The following PPP2R2B variants were observed in gnomAD, a reference collection of about 807,000 sequenced individuals.
PPP2R2B encodes serine/threonine-protein phosphatase 2A 55 kDa regulatory subunit B beta isoform.
A neutral mutation model predicts 46.0 loss-of-function variants in PPP2R2B; 5 were observed. That is an observed-to-expected ratio of 0.11 (90% CI 0.06 to 0.23). PPP2R2B has a LOEUF of 0.23. PPP2R2B is among the 10% of genes least tolerant of loss of function. The pLI is 1.00. For synonymous variants in PPP2R2B, 215 were observed against 206.7 expected (o/e 1.04, Z -0.34); for missense variants, 367 against 575.0 (o/e 0.64, Z 3.70).
At chr5:146,702,710 A>G (rs1305107077) in intron 2 of PPP2R2B, among the ~76,000 whole-genome samples, 1 of 152,230 alleles carries the variant, frequency 6.6e-6, no homozygotes, top group Non-Finnish European at 1.5e-5. Context: ...TGAAAAAGTT[A>G]ATCATATCTG....
intron 1 of PPP2R2B, among the ~76,000 whole-genome samples, chr5:146,945,089 C>T (rs1428016324): frequency 6.6e-6 from 1 of 152,200 alleles, no homozygotes; most frequent in African/African-American, 2.4e-5. Flanking sequence ...ATTAGGCCAA[C>T]ATACAGCACT....
In PPP2R2B at chr5:146,719,075, C is replaced by T. The variant is rs183562749; in HGVS notation, c.71-17933G>A. 2.9e-4 allele frequency among the ~76,000 whole-genome samples: 44 copies of T among 152,310 alleles called. No individual in the cohort carries two copies. The Middle Eastern group carries it at 0.014, about 47-fold the overall frequency. ...CTATTTACTGAGCACCTTCTATGTG[C>T]CTGACCTAGGACTTTGTCTTGAGAA... On this transcript the variant is annotated intron_variant, in intron 2 of 9. Coordinates refer to ENST00000394411, the MANE Select transcript of PPP2R2B (RefSeq NM_181675.4).
intron 2 of PPP2R2B, among the ~76,000 whole-genome samples, chr5:146,702,047 C>T (rs1471734361): frequency 3.4e-5 from 4 of 117,724 alleles, no homozygotes; most frequent in Non-Finnish European, 6.6e-5. Flanking sequence ...ACCAAGAGTG[C>T]AAATGAGTTA....
Position 147,029,886 on chromosome 5 carries a change from C to CTTA in PPP2R2B, c.79+25778_79+25779insTAA, listed in dbSNP as rs879562328. Reference sequence around the variant, plus strand: ...AGAAAATCAATCTCTATTGTTGAAGCTACCCAGTCTCTGATATTCTGTTAT... The same window carrying CTTA: ...AGAAAATCAATCTCTATTGTTGAAGCTTATACCCAGTCTCTGATATTCTGTTAT... On this transcript the variant is annotated intron_variant, in intron 1 of 8. Coordinates refer to the PPP2R2B transcript ENST00000336640. Among the ~76,000 whole-genome samples, 517 of 152,298 alleles carry CTTA rather than the reference C, an allele frequency of 3.4e-3. 1 individual carries two copies. The highest frequency in any genetic ancestry group is 5.2e-3 in the Admixed American group (80 of 15,302).
chr5:146,773,024 T>C (rs1405442282), intron 2 of PPP2R2B, among the ~76,000 whole-genome samples: 1 of 152,172 alleles, frequency 6.6e-6, no homozygotes, highest in Non-Finnish European at 1.5e-5. Flanking sequence ...ATGTGGAAAA[T>C]GCATTCTCAA....
In PPP2R2B at chr5:146,691,005, A is replaced by G. The variant is rs1011747658; in HGVS notation, c.447+123T>C. 2.9e-5 allele frequency: 21 copies of G among 731,116 alleles called. No individual in the cohort carries two copies. The Admixed American group carries it at 5.7e-4, about 20-fold the overall frequency. 45.3% of individuals were successfully genotyped at this position (731,116 alleles called of 1,614,324 possible). On this transcript the variant is annotated intron_variant, in intron 5 of 9. Coordinates refer to ENST00000394411, the MANE Select transcript of PPP2R2B (RefSeq NM_181675.4). ...ACCAGAGAGAGACTGGGGTAGGCTGAGTCTCTGCCTACGTTCCCTCACTGG... is the reference window on the plus strand; with the variant it reads ...ACCAGAGAGAGACTGGGGTAGGCTGGGTCTCTGCCTACGTTCCCTCACTGG...
chr5:146,596,276 C>T (rs560856078), intron 8 of PPP2R2B, among the ~76,000 whole-genome samples: 12 of 152,250 alleles, frequency 7.9e-5, no homozygotes, highest in Middle Eastern at 3.4e-3. Flanking sequence ...CTTTTATTCA[C>T]GGAAATGTGA....
In PPP2R2B at chr5:146,731,710, A is replaced by G. The variant is rs576113921; in HGVS notation, c.71-30568T>C. ...TCCACTTTTCATGAAGGAGGTGTGC[A>G]GATGAAATGACATAATGCAAATAAA... On this transcript the variant is annotated intron_variant, in intron 2 of 9. Transcript: ENST00000394411. 1.5e-3 allele frequency among the ~76,000 whole-genome samples: 226 copies of G among 152,338 alleles called. 3 individuals are homozygous for G. The highest frequency in any genetic ancestry group is 4.6e-3 in the African/African-American group (190 of 41,580).
rs1344270388 is a variant in PPP2R2B, at chr5:146,903,396, T to C, written c.79+152269A>G. Among the ~76,000 whole-genome samples, 102 of 139,966 alleles carry C rather than the reference T, an allele frequency of 7.3e-4. 2 individuals carry two copies. In the East Asian group the frequency reaches 0.016, roughly 22 times the overall value. 91.8% of individuals were successfully genotyped at this position (139,966 alleles called of 152,430 possible). A position where few individuals can be genotyped will look rare whatever the true frequency, so the allele number is the denominator to read the frequency against. ...TTCTTTCTTGCTTTCTTTCTCTTTTTTTTTTTTTTTTTTTTTAGAGACAGA... is the reference window on the plus strand; with the variant it reads ...TTCTTTCTTGCTTTCTTTCTCTTTTCTTTTTTTTTTTTTTTTAGAGACAGA... On this transcript the variant is annotated intron_variant, in intron 1 of 8. Transcript: ENST00000336640.
intron 1 of PPP2R2B, among the ~76,000 whole-genome samples, chr5:147,000,619 T>G (rs567945541): frequency 1.2e-5 from 1 of 85,136 alleles, no homozygotes; most frequent in East Asian, 3.9e-4. Context: ...AACTCTATTA[T>G]GATCAGTAAC....
At chr5:146,848,951 G>A (rs1008687568) in intron 2 of PPP2R2B, among the ~76,000 whole-genome samples, 18 of 151,984 alleles carry the variant, frequency 1.2e-4, no homozygotes, top group African/African-American at 1.7e-4. Flanking sequence ...TTTATTGCTC[G>A]GATTGTTCCA....
In PPP2R2B at chr5:146,638,292, C is replaced by T. The variant is rs1774956855; in HGVS notation, c.749G>A (p.Cys250Tyr). 6.2e-7 allele frequency: 1 copy of T among 1,613,910 alleles called. No individual in the cohort carries two copies. Among genetic ancestry groups the T allele is most frequent in the Non-Finnish European group, 8.5e-7 (1 of 1,179,904 alleles). The change falls in exon 7 of 10, where the codon TGT becomes TAT. Residue 250 changes from cysteine (C) to tyrosine (Y), a missense_variant. Cys to Tyr is a radical substitution (Grantham distance 194, BLOSUM62 -2). Transcript: ENST00000394411. ...ACACAGGGCAGATGCCCGCATGTCA[C>T]ACAGCCGGATTGTCCCTTTGCTGCT... Reference protein sequence around the residue: ...YSSSKGTIRLCDMRASALCDR... With the variant: ...YSSSKGTIRLYDMRASALCDR...
chr5:146,968,857 T>C (rs1431617502), intron 1 of PPP2R2B, among the ~76,000 whole-genome samples: 1 of 152,260 alleles, frequency 6.6e-6, no homozygotes, highest in Non-Finnish European at 1.5e-5. Flanking sequence ...CTCAAAAGTA[T>C]AGATTATAGT....
intron 2 of PPP2R2B, among the ~76,000 whole-genome samples, chr5:146,844,096 C>T (rs1759832434): frequency 2.6e-5 from 4 of 151,024 alleles, no homozygotes; most frequent in Non-Finnish European, 5.9e-5. Flanking sequence ...AGTAAACTAT[C>T]GCAAGAACAA....
At chr5:146,706,650 C>T in intron 2 of PPP2R2B, 1 of 833,934 alleles carries the variant, frequency 1.2e-6, no homozygotes, top group Middle Eastern at 3.5e-4. Context: ...AATCCTCCCG[C>T]CTTTGAGGCC....
chr5:147,028,077 A>G (rs1046369576), intron 1 of PPP2R2B, among the ~76,000 whole-genome samples: 4 of 152,144 alleles, frequency 2.6e-5, no homozygotes, highest in African/African-American at 9.7e-5. Context: ...GGTTTAGCCT[A>G]TAGGAATTCC....
chr5:146,855,490 C>A (rs1377606858), intron 2 of PPP2R2B, among the ~76,000 whole-genome samples: 1 of 152,106 alleles, frequency 6.6e-6, no homozygotes, highest in Non-Finnish European at 1.5e-5. Context: ...ACACAGTATA[C>A]ATACACATAC....
At chr5:146,809,972 C>A (rs1210234053) in intron 2 of PPP2R2B, among the ~76,000 whole-genome samples, 1 of 151,970 alleles carries the variant, frequency 6.6e-6, no homozygotes, top group Non-Finnish European at 1.5e-5. Context: ...AAAGGACTTG[C>A]TAGCCAATCT....
chr5:147,070,631 T>C (rs1163052609), intron 2 of PPP2R2B, among the ~76,000 whole-genome samples: 1 of 152,184 alleles, frequency 6.6e-6, no homozygotes, highest in African/African-American at 2.4e-5. Flanking sequence ...CTGAGCCAAA[T>C]GTTTTACCAA....
Sources: allele counts gnomAD v4.1 joint callset (sites outside exome capture counted in the v4.1 genomes callset), GRCh38; gene constraint gnomAD v4.1.1; transcripts MANE v1.5; gene names NCBI Gene and HGNC (gene_info 2026-07-23, HGNC 2026-07-21).